The following EDARADD variants were observed in gnomAD, a reference collection of about 807,000 sequenced individuals.
EDARADD encodes the protein EDAR associated via death domain, also known as ectodysplasin-A receptor-associated adapter protein.
Under a neutral mutation model 25.6 loss-of-function variants are expected in EDARADD, and 20 were observed. That is an observed-to-expected ratio of 0.78 (90% CI 0.55 to 1.14). The LOEUF is 1.14. Ranked by LOEUF, EDARADD falls within the 50% of genes most tolerant of loss-of-function variation. The pLI, the probability that EDARADD is intolerant of heterozygous loss-of-function variation, is 0.00. For synonymous variants in EDARADD, 86 were observed against 94.4 expected, an observed-to-expected ratio of 0.91 and a Z score of 0.52; for missense variants, 225 against 270.1, an observed-to-expected ratio of 0.83 and a Z score of 1.17.
At chr1:236,416,969 C>G (rs1342928178) in intron 3 of EDARADD, among the ~76,000 whole-genome samples, 2 of 152,036 alleles carry the variant, frequency 1.3e-5, no homozygotes, top group African/African-American at 4.8e-5. Context: ...AAAAAATTAG[C>G]TGGGCGTGGT....
chr1:236,377,788 G>A (rs570615563), intron 3 of EDARADD, among the ~76,000 whole-genome samples: 1 of 151,940 alleles, frequency 6.6e-6, no homozygotes, highest in East Asian at 1.9e-4. Context: ...AACCCGGGAG[G>A]CAGAGGTTGC....
chr1:236,454,893 A>G (rs1658813153), intron 4 of EDARADD, among the ~76,000 whole-genome samples: 1 of 152,140 alleles, frequency 6.6e-6, no homozygotes, highest in Non-Finnish European at 1.5e-5. Flanking sequence ...AAACTGGGAG[A>G]TGGAAGGGTT....
rs185945341 is a variant in EDARADD, at chr1:236,409,469, C to T, written c.120+195C>T. ...TTGGGTTTCTCCAGGCTAAAAATGG[C>T]GTTAGATTCTTTTCTTCTTTTGCTC... On this transcript the variant is annotated intron_variant, in intron 2 of 5. Coordinates refer to ENST00000334232, the MANE Select transcript of EDARADD (RefSeq NM_145861.4). Among the ~76,000 whole-genome samples, 170 of 152,150 alleles carry T rather than the reference C, an allele frequency of 1.1e-3. 1 individual carries two copies. The highest frequency in any genetic ancestry group is 4.0e-3 in the African/African-American group (167 of 41,496).
chr1:236,370,868 G>C (rs529521158), intron 3 of EDARADD, among the ~76,000 whole-genome samples: 1 of 152,314 alleles, frequency 6.6e-6, no homozygotes, highest in South Asian at 2.1e-4. Context: ...CTAGTCCCCA[G>C]GCAAGAAGGA....
intron 1 of EDARADD, among the ~76,000 whole-genome samples, chr1:236,404,160 C>T (rs1200815228): frequency 2.6e-5 from 4 of 152,222 alleles, no homozygotes; most frequent in African/African-American, 9.6e-5. Context: ...ATATCAGAGC[C>T]TTGCCTGAAG....
intron 1 of EDARADD, among the ~76,000 whole-genome samples, chr1:236,407,310 A>C (rs551114863): frequency 2.6e-5 from 4 of 152,224 alleles, no homozygotes; most frequent in Non-Finnish European, 4.4e-5. Flanking sequence ...TGCCACCTTC[A>C]TGCTCTGCAG....
chr1:236,420,457 A>G (rs183595050), intron 3 of EDARADD, among the ~76,000 whole-genome samples: 1 of 152,358 alleles, frequency 6.6e-6, no homozygotes, highest in East Asian at 1.9e-4. Flanking sequence ...ATTTTGTACC[A>G]TCTTCACCAC....
chr1:236,395,347 G>A lies in EDARADD; in HGVS notation c.61+842G>A, dbSNP rs528710136. ...GCCTTGCGTCCCAGCCCCGGGTCGCGGCACCCCGGCTCCCGCCCCGCGCCT... is the reference window on the plus strand; with the variant it reads ...GCCTTGCGTCCCAGCCCCGGGTCGCAGCACCCCGGCTCCCGCCCCGCGCCT... On this transcript the variant is annotated intron_variant, in intron 1 of 5. Coordinates refer to ENST00000334232, the MANE Select transcript of EDARADD (RefSeq NM_145861.4). This position sits in a 1 kb window ranked among gnomAD's most constrained non-coding sequence, Gnocchi z 6.9. The A allele has an allele frequency of 7.5e-5, 99 of 1,324,014 alleles. No individual in the cohort carries two copies. In the African/African-American group the frequency reaches 8.7e-4, roughly 12 times the overall value. 82.0% of individuals were successfully genotyped at this position (1,324,014 alleles called of 1,614,324 possible). A position where few individuals can be genotyped will look rare whatever the true frequency, so the allele number is the denominator to read the frequency against.
chr1:236,437,227 G>A (rs549609507), intron 4 of EDARADD, among the ~76,000 whole-genome samples: 55 of 152,212 alleles, frequency 3.6e-4, no homozygotes, highest in African/African-American at 1.1e-3. Flanking sequence ...TGATCGACAG[G>A]TAAGCTTAGT....
Position 236,429,544 on chromosome 1 carries a change from AT to A in EDARADD, c.219+2106del, listed in dbSNP as rs34501977. Reference sequence around the variant, plus strand: ...AGGCGCCCGCCACCATGACCCGCTAATTTTTTTTTTTTGAATTTTTAGTAGA... The same window carrying A: ...AGGCGCCCGCCACCATGACCCGCTAATTTTTTTTTTTGAATTTTTAGTAGA... On this transcript the variant is annotated intron_variant, in intron 4 of 5. Coordinates refer to ENST00000334232, the MANE Select transcript of EDARADD (RefSeq NM_145861.4). Among the ~76,000 whole-genome samples, 41 of 144,522 alleles carry A rather than the reference AT, an allele frequency of 2.8e-4. No individual in the cohort carries two copies. In the East Asian group the frequency reaches 4.6e-3, roughly 16 times the overall value. The allele number at this position is 144,522 out of a possible 152,430, so 94.8% of individuals were successfully genotyped here.
chr1:236,420,671 T>C (rs1241845024), intron 3 of EDARADD, among the ~76,000 whole-genome samples: 1 of 152,222 alleles, frequency 6.6e-6, no homozygotes, highest in East Asian at 1.9e-4. Context: ...TCCCACTCTC[T>C]ACTGTCTGAA....
chr1:236,482,335 ATAAG>A lies in EDARADD; in HGVS notation c.336_339del (p.Ile112MetfsTer10). On this transcript the variant is annotated frameshift_variant, in exon 6 of 6. Coordinates refer to ENST00000334232, the MANE Select transcript of EDARADD (RefSeq NM_145861.4). LOFTEE classifies it high-confidence loss of function. ...CTCCTGCTTGCTCCGGGCCCCCACC[ATAAG>A]TGACTTGCTCAATGATCAGGACTTA... The A allele has an allele frequency of 6.2e-7, 1 of 1,614,192 alleles. No individual in the cohort carries two copies. The highest frequency in any genetic ancestry group is 1.1e-5 in the South Asian group (1 of 91,092).
intron 4 of EDARADD, among the ~76,000 whole-genome samples, chr1:236,459,379 T>C (rs1345567462): frequency 6.6e-6 from 1 of 152,072 alleles, no homozygotes; most frequent in African/African-American, 2.4e-5. Flanking sequence ...TTTGAAACCA[T>C]AGCAAAGGTA....
chr1:236,462,642 C>T (rs1659068617), intron 4 of EDARADD, among the ~76,000 whole-genome samples: 1 of 152,156 alleles, frequency 6.6e-6, no homozygotes, highest in Non-Finnish European at 1.5e-5. Flanking sequence ...CCTTAGTACC[C>T]AGAGCTTTCA....
chr1:236,385,138 G>A (rs1247849436), intron 3 of EDARADD, among the ~76,000 whole-genome samples: 2 of 146,812 alleles, frequency 1.4e-5, no homozygotes, highest in Non-Finnish European at 3.0e-5. Flanking sequence ...GCCGGGCGCG[G>A]TAGCTCACGC....
intron 3 of EDARADD, among the ~76,000 whole-genome samples, chr1:236,363,008 T>A (rs199914508): frequency 0.22 from 8,400 of 38,890 alleles, 630 homozygotes; most frequent in Non-Finnish European, 0.24. Context: ...AAAAAAAAAA[T>A]ATATATATAT....
At chr1:236,374,017 G>A (rs1432794914) in intron 3 of EDARADD, among the ~76,000 whole-genome samples, 1 of 152,006 alleles carries the variant, frequency 6.6e-6, no homozygotes, top group Non-Finnish European at 1.5e-5. Flanking sequence ...TTCCACTGTG[G>A]TCTAAGAGCA....
chr1:236,468,829 A>G (rs1169622571), intron 5 of EDARADD, among the ~76,000 whole-genome samples: 1 of 152,104 alleles, frequency 6.6e-6, no homozygotes, highest in Non-Finnish European at 1.5e-5. Context: ...TGAATGGGGC[A>G]GGTTTAGGAT....
At position 236,387,340 on chromosome 1, in the gene EDARADD, C is replaced by A. The variant is rs1409197468; in HGVS notation, c.-5-21876C>A. Among the ~76,000 whole-genome samples the A allele has an allele frequency of 9.0e-5, 2 of 22,262 alleles. 1 individual carries two copies. The highest frequency in any genetic ancestry group is 1.9e-4 in the Non-Finnish European group (2 of 10,646). The allele number at this position is 22,262 out of a possible 152,430, so 14.6% of individuals were successfully genotyped here. The stretch of plus-strand genomic sequence containing the variant: ...GAGGGAGGTAGGGGGGTCAGCCCCC[C>A]GCCCGGCCAGCCGCCCCCTCCGGGA... On this transcript the variant is annotated intron_variant, in intron 3 of 7. Coordinates refer to the EDARADD transcript ENST00000439430.
Sources: allele counts gnomAD v4.1 joint callset (sites outside exome capture counted in the v4.1 genomes callset), GRCh38; gene constraint gnomAD v4.1.1; non-coding constraint Gnocchi (gnomAD v3.1); transcripts MANE v1.5; gene names NCBI Gene and HGNC (gene_info 2026-07-23, HGNC 2026-07-21).